RNF115: variants seen among roughly 807,000 people sequenced by gnomAD.
RNF115 encodes the protein ring finger protein 115.
A neutral mutation model predicts 39.2 loss-of-function variants in RNF115; 31 were observed. The ratio of observed to expected loss-of-function variants is 0.79; its 90% CI spans 0.59 to 1.07. RNF115 has a LOEUF of 1.07. Ranked by LOEUF, RNF115 falls within the 50% of genes least tolerant of loss-of-function variation. The pLI, the probability that RNF115 is intolerant of heterozygous loss-of-function variation, is 0.00. For missense variants in RNF115, 384 were observed against 381.7 expected, an observed-to-expected ratio of 1.01 and a Z score of -0.05; for synonymous variants, 124 against 131.0, an observed-to-expected ratio of 0.95 and a Z score of 0.37.
chr1:145,761,258 A>G (rs139082586), intron 4 of RNF115, among the ~76,000 whole-genome samples: 20 of 152,366 alleles, frequency 1.3e-4, no homozygotes, highest in African/African-American at 3.6e-4. Flanking sequence ...AGAAATTTGC[A>G]TAAGTAGCAA....
chr1:145,777,117 A>G (rs1553716683), intron 3 of RNF115, among the ~76,000 whole-genome samples: 1 of 152,214 alleles, frequency 6.6e-6, no homozygotes, highest in African/African-American at 2.4e-5. Context: ...TCAATCATCT[A>G]TCTCACTAAG....
At chr1:145,754,968 G>C (rs587692302) in intron 4 of RNF115, among the ~76,000 whole-genome samples, 2 of 152,042 alleles carry the variant, frequency 1.3e-5, no homozygotes, top group African/African-American at 4.8e-5. Context: ...GGAAATGGCC[G>C]GGTGTGGTGG....
intron 2 of RNF115, among the ~76,000 whole-genome samples, chr1:145,785,492 T>C (rs949708120): frequency 6.6e-6 from 1 of 152,090 alleles, no homozygotes; most frequent in Admixed American, 6.6e-5. Context: ...AATCCCATTG[T>C]CCCCATGAAA....
intron 4 of RNF115, among the ~76,000 whole-genome samples, chr1:145,761,193 C>A (rs1191505558): frequency 1.3e-5 from 2 of 152,116 alleles, no homozygotes; most frequent in Non-Finnish European, 2.9e-5. Context: ...AAATTTGTAG[C>A]CTATGTGACA....
At chr1:145,753,719 A>G (rs1159561239) in intron 4 of RNF115, among the ~76,000 whole-genome samples, 2 of 151,848 alleles carry the variant, frequency 1.3e-5, no homozygotes, top group Non-Finnish European at 1.5e-5. Context: ...ATGATATGCA[A>G]TTTTTTTTCT....
At chr1:145,787,571 CAAAAA>C (rs1192063003) in intron 2 of RNF115, among the ~76,000 whole-genome samples, 4 of 88,908 alleles carry the variant, frequency 4.5e-5, no homozygotes, top group Admixed American at 2.6e-4. Context: ...GACTCCGTCA[CAAAAA>C]AAAAAAAAAA....
intron 4 of RNF115, 40 bp from the exon 5 acceptor site, chr1:145,753,089 T>C: frequency 1.5e-6 from 2 of 1,333,910 alleles, no homozygotes; most frequent in Non-Finnish European, 2.2e-6. Flanking sequence ...AACAGACTAA[T>C]GAAAAGTACT....
chr1:145,775,323 T>A (rs1647831502), intron 3 of RNF115, among the ~76,000 whole-genome samples: 1 of 151,912 alleles, frequency 6.6e-6, no homozygotes, highest in Non-Finnish European at 1.5e-5. Flanking sequence ...TAGTAAGAAA[T>A]TAACAACAAT....
rs587654667 is a variant in RNF115, at chr1:145,784,418, C to T, written c.219+121G>A. On this transcript the variant is annotated intron_variant, in intron 3 of 8. Transcript: ENST00000582693. The stretch of plus-strand genomic sequence containing the variant: ...TCTTCCCAAGGGTTACTACGGCCCA[C>T]ATTTTTTCTTATACATTCAGTTAAA... The T allele has an allele frequency of 8.9e-6, 8 of 895,558 alleles. No homozygotes were observed. The African/African-American group carries it at 1.2e-4, about 13-fold the overall frequency. The allele number at this position is 895,558 out of a possible 1,614,324, so 55.5% of individuals were successfully genotyped here.
intron 1 of RNF115, among the ~76,000 whole-genome samples, chr1:145,806,072 G>A (rs1157280285): frequency 1.3e-5 from 2 of 152,204 alleles, no homozygotes; most frequent in Admixed American, 6.5e-5. Flanking sequence ...TTAAGTCCAG[G>A]CACAGTGGCT....
chr1:145,763,914 CCCCATGGTCTCCCTCTCCCTCT>C, intron 4 of RNF115, among the ~76,000 whole-genome samples: 2 of 127,518 alleles, frequency 1.6e-5, no homozygotes, highest in African/African-American at 5.5e-5. Flanking sequence ...CTCTCCCTCT[CCCCATGGTCTCCCTCTCCCTCT>C]CTTGCCATGG....
intron 4 of RNF115, among the ~76,000 whole-genome samples, chr1:145,763,387 AAG>A (rs1484876723): frequency 6.6e-6 from 1 of 152,202 alleles, no homozygotes; most frequent in African/African-American, 2.4e-5. Flanking sequence ...AAAAAAACAA[AAG>A]AGTAAAGCAC....
intron 1 of RNF115, among the ~76,000 whole-genome samples, chr1:145,800,442 T>C (rs1474433692): frequency 1.3e-5 from 2 of 152,142 alleles, no homozygotes; most frequent in African/African-American, 4.8e-5. Flanking sequence ...TTTAAAGACA[T>C]GCAGTTTATT....
chr1:145,789,618 G>A (rs969289382), intron 1 of RNF115, among the ~76,000 whole-genome samples: 69 of 143,598 alleles, frequency 4.8e-4, no homozygotes, highest in African/African-American at 1.7e-3. Flanking sequence ...GGCTAGTCTC[G>A]AACTCCCGAC....
intron 7 of RNF115, 24 bp downstream of exon 7, chr1:145,750,383 G>C: frequency 6.5e-7 from 1 of 1,544,078 alleles, no homozygotes; most frequent in Non-Finnish European, 9.0e-7. Flanking sequence ...GAAGATGACA[G>C]AATAAGTATA....
chr1:145,794,695 C>T (rs1446570718), intron 1 of RNF115, among the ~76,000 whole-genome samples: 10 of 151,200 alleles, frequency 6.6e-5, no homozygotes, highest in Non-Finnish European at 1.3e-4. Context: ...AAGCGCGGAC[C>T]CTCCCGGTGA....
At chr1:145,762,381 TATTAAATCCA>T (rs1374620339) in intron 4 of RNF115, among the ~76,000 whole-genome samples, 7 of 152,202 alleles carry the variant, frequency 4.6e-5, no homozygotes. Context: ...CATGTGGAAC[TATTAAATCCA>T]ATTAAACCTC....
intron 3 of RNF115, among the ~76,000 whole-genome samples, chr1:145,782,412 A>C (rs1553717548): frequency 2.0e-5 from 3 of 152,174 alleles, no homozygotes; most frequent in African/African-American, 7.2e-5. Context: ...ACTTAAGCTC[A>C]GAAGTTCGAG....
intron 3 of RNF115, among the ~76,000 whole-genome samples, chr1:145,780,450 C>A (rs1648084295): frequency 6.6e-6 from 1 of 151,700 alleles, no homozygotes; most frequent in South Asian, 2.1e-4. Context: ...GAAACCCCGT[C>A]TCTACTAAAA....
Sources: allele counts gnomAD v4.1 joint callset (sites outside exome capture counted in the v4.1 genomes callset), GRCh38; gene constraint gnomAD v4.1.1; transcripts MANE v1.5; gene names NCBI Gene and HGNC (gene_info 2026-07-23, HGNC 2026-07-21).